The following ZBTB11 variants were observed in gnomAD, a reference collection of about 807,000 sequenced individuals.
ZBTB11 encodes the protein zinc finger and BTB domain containing 11, also known as zinc finger and BTB domain-containing protein 11.
In ZBTB11, 68 loss-of-function variants were observed where a neutral mutation model predicts 113.1. The observed-to-expected ratio is 0.60, with a 90% CI of 0.49 to 0.74. ZBTB11 has a LOEUF of 0.74. ZBTB11 is among the 30% of genes least tolerant of loss of function. The pLI, the probability that ZBTB11 is intolerant of heterozygous loss-of-function variation, is 0.00. For missense variants in ZBTB11, 1,104 were observed against 1,279.4 expected (o/e 0.86, Z 2.09); for synonymous variants, 518 against 452.6 (o/e 1.14, Z -1.83).
intron 3 of ZBTB11, among the ~76,000 whole-genome samples, chr3:101,669,795 A>G (rs1270539369): frequency 6.6e-6 from 1 of 152,014 alleles, no homozygotes; most frequent in Non-Finnish European, 1.5e-5. Context: ...TGGATGCTTA[A>G]TAAATATTTA....
At chr3:101,663,901 A>G (rs1559985146) in intron 5 of ZBTB11, among the ~76,000 whole-genome samples, 1 of 152,114 alleles carries the variant, frequency 6.6e-6, no homozygotes, top group Non-Finnish European at 1.5e-5. Context: ...AAAACAAAAC[A>G]AAACAAAACA....
At chr3:101,670,482 TG>T (rs1553779560) in intron 3 of ZBTB11, 1 of 152,162 alleles carries the variant, frequency 6.6e-6, no homozygotes, top group Non-Finnish European at 1.5e-5. Flanking sequence ...AAAACAAACC[TG>T]GGATTTTGAC....
chr3:101,655,664 CTTT>C (rs774936234), intron 7 of ZBTB11, among the ~76,000 whole-genome samples: 1 of 142,042 alleles, frequency 7.0e-6, no homozygotes, highest in Admixed American at 7.1e-5. Flanking sequence ...TGAGAAAACG[CTTT>C]TTTTTTTTTT....
At chr3:101,662,193 G>A (rs1414691371) in intron 5 of ZBTB11, 2 of 147,356 alleles carry the variant, frequency 1.4e-5, no homozygotes, top group African/African-American at 5.2e-5. Flanking sequence ...TTTTTTTTTT[G>A]TAGAGACAGG....
In ZBTB11 at chr3:101,665,566, C is replaced by T. The variant is rs749817158; in HGVS notation, c.1021G>A (p.Ala341Thr). ...CCCTCACTGCTAGCAACAGGAGGTG[C>T]TGTACCTCCATTCTGTACTCGTAAG... is the stretch of plus-strand genomic sequence containing the variant. ...QDLRVQNGGT[A>T]PPVASSEGTT... is the part of the protein sequence containing the mutation. Residue 341 changes from alanine (A) to threonine (T), a missense_variant, in exon 4 of 11, where the codon GCA (alanine) becomes ACA (threonine). By Grantham distance (58) the Ala-to-Thr change is moderately conservative (BLOSUM62 0). Transcript: ENST00000312938. 6.2e-7 allele frequency: 1 copy of T among 1,614,252 alleles called. No homozygotes were observed. Among genetic ancestry groups the T allele is most frequent in the South Asian group, 1.1e-5 (1 of 91,092 alleles).
chr3:101,659,500 G>A (rs1282209004), intron 6 of ZBTB11, among the ~76,000 whole-genome samples: 2 of 152,114 alleles, frequency 1.3e-5, no homozygotes, highest in African/African-American at 4.8e-5. Context: ...TGAAGGTTAA[G>A]GAATGACTGG....
At chr3:101,675,583 AT>A (rs1331591275) in intron 1 of ZBTB11, among the ~76,000 whole-genome samples, 1 of 152,240 alleles carries the variant, frequency 6.6e-6, no homozygotes, top group Non-Finnish European at 1.5e-5. Context: ...CAGTTTGAAT[AT>A]TCATTAACTG....
intron 5 of ZBTB11, among the ~76,000 whole-genome samples, chr3:101,662,328 T>C (rs191682792): frequency 3.0e-4 from 46 of 152,254 alleles, no homozygotes; most frequent in African/African-American, 1.1e-3. Flanking sequence ...GTGTGCCCTT[T>C]TAAAAACATA....
At position 101,650,105 on chromosome 3, in the gene ZBTB11, A is replaced by G. The variant is rs921018220; in HGVS notation, c.*1061T>C. ...CAACAATTTAGTGGAACTGTAATCAATTTCTTCAAGTATGATACTATGAGG... is the reference window on the plus strand; with the variant it reads ...CAACAATTTAGTGGAACTGTAATCAGTTTCTTCAAGTATGATACTATGAGG... On this transcript the variant is annotated 3_prime_UTR_variant, in exon 11 of 11. Coordinates refer to ENST00000312938, the MANE Select transcript of ZBTB11 (RefSeq NM_014415.4). 1 of 152,216 alleles carries G rather than the reference A, an allele frequency of 6.6e-6. No homozygotes were observed. Among genetic ancestry groups the G allele is most frequent in the African/African-American group, 2.4e-5 (1 of 41,448 alleles). 9.4% of individuals were successfully genotyped at this position (152,216 alleles called of 1,614,324 possible). A position where few individuals can be genotyped will look rare whatever the true frequency, so the allele number is the denominator to read the frequency against.
In ZBTB11 at chr3:101,664,706, C is replaced by T. The variant is rs1269530586; in HGVS notation, c.1632G>A (p.Gln544=). Residue 544 remains glutamine (Q), a synonymous_variant, in exon 5 of 11, where the codon CAG becomes CAA. Transcript: ENST00000312938. The part of the protein sequence containing the change: ...VPKSAVQQVA[Q]KLVQRGKKMK... ...TCTTTTTTCCTCTTTGAACTAACTT[C>T]TGAGCCACCTAGTAAGGGATAGAAA... 1.2e-6 allele frequency: 2 copies of T among 1,603,690 alleles called. No homozygotes were observed. The highest frequency in any genetic ancestry group is 1.7e-6 in the Non-Finnish European group (2 of 1,177,084).
intron 3 of ZBTB11, among the ~76,000 whole-genome samples, chr3:101,667,489 T>A (rs1487266148): frequency 6.6e-6 from 1 of 152,204 alleles, no homozygotes; most frequent in Non-Finnish European, 1.5e-5. Flanking sequence ...CAGTTCTGAC[T>A]CAAGGTATGT....
At chr3:101,675,058 GCT>G (rs1191538372) in intron 1 of ZBTB11, among the ~76,000 whole-genome samples, 2 of 152,184 alleles carry the variant, frequency 1.3e-5, no homozygotes, top group Non-Finnish European at 2.9e-5. Context: ...GACCCCCTAC[GCT>G]CTGTCTCCAA....
Position 101,665,212 on chromosome 3 carries a change from C to T in ZBTB11, c.1375G>A (p.Asp459Asn). 6.2e-7 allele frequency: 1 copy of T among 1,614,212 alleles called. No homozygotes were observed. Among genetic ancestry groups the T allele is most frequent in the Non-Finnish European group, 8.5e-7 (1 of 1,180,044 alleles). Residue 459 changes from aspartate (D) to asparagine (N), a missense_variant, in exon 4 of 11, where the codon GAT (aspartate) becomes AAT (asparagine). Physicochemically the swap from Asp to Asn is conservative, Grantham distance 23. This residue lies in a region of ZBTB11 where 535 missense variants were observed against 518.6 expected (regional missense o/e 1.03). Coordinates refer to ENST00000312938, the MANE Select transcript of ZBTB11 (RefSeq NM_014415.4). The stretch of plus-strand genomic sequence containing the variant: ...GCACAAATATCCTCAGCTGATATAT[C>T]ATTTCCCATACCACTATCCTCTGGC... ...SSPEDSGMGN[D>N]ISAEDICAED...
At chr3:101,675,760 T>C (rs1335084909) in intron 1 of ZBTB11, among the ~76,000 whole-genome samples, 2 of 152,298 alleles carry the variant, frequency 1.3e-5, no homozygotes, top group African/African-American at 4.8e-5. Context: ...CCAAACGCGT[T>C]TTTCACATCA....
intron 1 of ZBTB11, among the ~76,000 whole-genome samples, chr3:101,673,282 T>C (rs913236317): frequency 6.6e-6 from 1 of 152,122 alleles, no homozygotes; most frequent in Non-Finnish European, 1.5e-5. Flanking sequence ...GGTATGTAGC[T>C]TGTCCAAAGT....
At chr3:101,652,318 A>T (rs557743515) in intron 10 of ZBTB11, among the ~76,000 whole-genome samples, 178 bp downstream of exon 10, 1 of 152,308 alleles carries the variant, frequency 6.6e-6, no homozygotes, top group African/African-American at 2.4e-5. Context: ...TTCACTAAAA[A>T]AGGAATCTAT....
At position 101,677,047 on chromosome 3, in the gene ZBTB11, C is replaced by T. The variant is rs969371296; in HGVS notation, c.-133G>A. 5 of 1,017,244 alleles carry T rather than the reference C, an allele frequency of 4.9e-6. No homozygotes were observed. Among genetic ancestry groups the T allele is most frequent in the Non-Finnish European group, 6.9e-6 (5 of 724,526 alleles). 63.0% of individuals were successfully genotyped at this position (1,017,244 alleles called of 1,614,324 possible). Reference sequence around the variant, plus strand: ...TGCGCCTTTGGCGAGCGCTCTTCGACGGCTCCCTTAGTCCGAAGGAAAAGC... The same window carrying T: ...TGCGCCTTTGGCGAGCGCTCTTCGATGGCTCCCTTAGTCCGAAGGAAAAGC... On this transcript the variant is annotated 5_prime_UTR_variant, in exon 1 of 11. Coordinates refer to ENST00000312938, the MANE Select transcript of ZBTB11 (RefSeq NM_014415.4).
intron 5 of ZBTB11, 58 bp from the exon 6 acceptor site, chr3:101,660,086 ACT>A: frequency 2.0e-6 from 3 of 1,536,178 alleles, no homozygotes; most frequent in Non-Finnish European, 2.7e-6. Flanking sequence ...GTTAACTGAA[ACT>A]CAACTCATAT....
chr3:101,671,369 A>C lies in ZBTB11; in HGVS notation c.547-8T>G. 1 of 1,610,896 alleles carries C rather than the reference A, an allele frequency of 6.2e-7. No homozygotes were observed. Among genetic ancestry groups the C allele is most frequent in the Non-Finnish European group, 8.5e-7 (1 of 1,177,272 alleles). ...CACTCCTTTGGTGTCAACCTGTCAA[A>C]ATAAGTTTGAGAGCAAGAGTAACAT... On this transcript the variant is annotated splice_region_variant and splice_polypyrimidine_tract_variant and intron_variant, in intron 2 of 10. Transcript: ENST00000312938.
Sources: gnomAD v4.1 joint callset for allele counts (sites outside exome capture counted in the v4.1 genomes callset) on GRCh38, gnomAD v4.1.1 for gene constraint, gnomAD v4.1.1 regional missense constraint, MANE v1.5 for transcripts, NCBI Gene and HGNC (gene_info 2026-07-23, HGNC 2026-07-21) for gene names.